The following NTRK3 variants were observed in gnomAD, a reference collection of about 807,000 sequenced individuals.
NTRK3 encodes the protein neurotrophic receptor tyrosine kinase 3.
A neutral mutation model predicts 91.7 loss-of-function variants in NTRK3; 24 were observed. The ratio of observed to expected loss-of-function variants is 0.26; its 90% confidence interval spans 0.19 to 0.37. NTRK3 has a LOEUF of 0.37. Among genes scored for constraint, NTRK3 ranks in the 10% least tolerant of loss-of-function variants. The pLI is 1.00. For synonymous variants in NTRK3, 483 were observed against 404.0 expected, an observed-to-expected ratio of 1.20 and a Z score of -2.34; for missense variants, 880 against 1,068.9, an observed-to-expected ratio of 0.82 and a Z score of 2.46.
intron 13 of NTRK3, among the ~76,000 whole-genome samples, chr15:88,117,005 C>T (rs920884221): frequency 1.3e-5 from 2 of 152,192 alleles, no homozygotes; most frequent in African/African-American, 4.8e-5. Context: ...AATATGCGGA[C>T]GTCTATTGGA....
intron 17 of NTRK3, among the ~76,000 whole-genome samples, chr15:87,893,355 G>C (rs922016706): frequency 2.0e-5 from 3 of 152,154 alleles, no homozygotes; most frequent in Non-Finnish European, 2.9e-5. Context: ...CCACTCCTCA[G>C]GGCCAGAAAT....
At chr15:88,157,401 G>A (rs1181058872) in intron 5 of NTRK3, among the ~76,000 whole-genome samples, 2 of 151,982 alleles carry the variant, frequency 1.3e-5, no homozygotes, top group Non-Finnish European at 2.9e-5. Context: ...AGGACATTTG[G>A]GTTTCTGCCC....
chr15:88,185,757 C>A (rs1183670718), intron 3 of NTRK3, among the ~76,000 whole-genome samples: 1 of 152,212 alleles, frequency 6.6e-6, no homozygotes, highest in African/African-American at 2.4e-5. Context: ...ACCACCACAC[C>A]CGTAGCTCTG....
At chr15:88,231,363 G>A (rs184002845) in intron 3 of NTRK3, among the ~76,000 whole-genome samples, 1 of 151,892 alleles carries the variant, frequency 6.6e-6, no homozygotes, top group African/African-American at 2.4e-5. Flanking sequence ...GTTGCCTCCT[G>A]TCTTCTTTCT....
intron 17 of NTRK3, among the ~76,000 whole-genome samples, chr15:87,897,241 C>T (rs535873075): frequency 6.6e-6 from 1 of 152,288 alleles, no homozygotes; most frequent in African/African-American, 2.4e-5. Context: ...GAGCAAAGTT[C>T]TGAGGGAAGC....
chr15:88,202,399 G>A (rs532332855), intron 3 of NTRK3, among the ~76,000 whole-genome samples: 38 of 152,314 alleles, frequency 2.5e-4, no homozygotes, highest in African/African-American at 8.7e-4. Context: ...GCTCTGTGCA[G>A]TGTGAAGTCA....
intron 3 of NTRK3, among the ~76,000 whole-genome samples, chr15:88,254,998 A>G (rs1173552418): frequency 6.6e-6 from 1 of 152,104 alleles, no homozygotes; most frequent in East Asian, 1.9e-4. Context: ...CCAAAGAAAA[A>G]TAGCAAGGAG....
At chr15:88,110,551 A>G (rs1020424607) in intron 13 of NTRK3, among the ~76,000 whole-genome samples, 17 of 152,304 alleles carry the variant, frequency 1.1e-4, no homozygotes, top group Non-Finnish European at 2.4e-4. Flanking sequence ...GAGGACATTT[A>G]TGCACCCTAT....
At chr15:88,027,409 G>T (rs1415227390) in intron 14 of NTRK3, among the ~76,000 whole-genome samples, 1 of 152,070 alleles carries the variant, frequency 6.6e-6, no homozygotes, top group Non-Finnish European at 1.5e-5. Flanking sequence ...TTGAGACAGA[G>T]TCTCGCTCTG....
At chr15:88,106,940 A>T (rs1375622485) in intron 13 of NTRK3, among the ~76,000 whole-genome samples, 3 of 132,200 alleles carry the variant, frequency 2.3e-5, no homozygotes, top group Non-Finnish European at 4.7e-5. Context: ...CTCAAAAAGT[A>T]AAAAAAAAAA....
chr15:88,162,997 T>TA (rs2044609633), intron 5 of NTRK3, among the ~76,000 whole-genome samples: 1 of 152,138 alleles, frequency 6.6e-6, no homozygotes, highest in Admixed American at 6.5e-5. Context: ...ACACTTGGTA[T>TA]AAGAAGGGCA....
At chr15:88,164,511 A>T (rs1396997057) in intron 5 of NTRK3, among the ~76,000 whole-genome samples, 2 of 152,148 alleles carry the variant, frequency 1.3e-5, no homozygotes, top group African/African-American at 2.4e-5. Flanking sequence ...TCTGCAGAGT[A>T]CATCTGACAG....
At position 87,901,385 on chromosome 15, in the gene NTRK3, G is replaced by A. The variant is rs117513747; in HGVS notation, c.2134-20957C>T. ...GTGGACTTCTTGTTTGTAGGCTAAC[G>A]AAACTGGGATGAAGTATCTTTCTCA... On this transcript the variant is annotated intron_variant, in intron 17 of 18. Transcript: ENST00000394480. Among the ~76,000 whole-genome samples the A allele has an allele frequency of 3.5e-3, 533 of 152,338 alleles. 3 individuals carry two copies. Among genetic ancestry groups the A allele is most frequent in the Non-Finnish European group, 6.1e-3 (418 of 68,020 alleles).
At chr15:87,909,066 T>A (rs1042600167) in intron 17 of NTRK3, among the ~76,000 whole-genome samples, 3 of 152,018 alleles carry the variant, frequency 2.0e-5, no homozygotes, top group African/African-American at 7.2e-5. Context: ...CCGCAGAAAA[T>A]CCCTGAATTC....
At chr15:88,215,183 T>C (rs2049640002) in intron 3 of NTRK3, among the ~76,000 whole-genome samples, 1 of 152,194 alleles carries the variant, frequency 6.6e-6, no homozygotes, top group Non-Finnish European at 1.5e-5. Flanking sequence ...ACTCCAAAAT[T>C]TGGCAATGGC....
intron 14 of NTRK3, among the ~76,000 whole-genome samples, chr15:88,023,254 T>C (rs2077737696): frequency 6.6e-6 from 1 of 152,162 alleles, no homozygotes; most frequent in South Asian, 2.1e-4. Flanking sequence ...GATATCTCAT[T>C]CTGGCAACAT....
intron 13 of NTRK3, among the ~76,000 whole-genome samples, chr15:88,059,127 C>T (rs2045982625): frequency 6.6e-6 from 1 of 152,074 alleles, no homozygotes; most frequent in Admixed American, 6.6e-5. Flanking sequence ...AAGAGAAAAT[C>T]TTCCAGCAGC....
At chr15:88,086,492 T>C (rs2048510210) in intron 13 of NTRK3, among the ~76,000 whole-genome samples, 1 of 145,224 alleles carries the variant, frequency 6.9e-6, no homozygotes, top group Non-Finnish European at 1.5e-5. Context: ...TAATTAGAAT[T>C]AATTTCACCT....
rs549164318 is a variant in NTRK3, at chr15:88,066,937, C to G, written c.1397-33892G>C. Reference sequence around the variant, plus strand: ...ACTCCTCTTTCCAAGTAGTTCCTTTCTCCCAGGCTCCACTGGCCCTTCCAC... The same window carrying G: ...ACTCCTCTTTCCAAGTAGTTCCTTTGTCCCAGGCTCCACTGGCCCTTCCAC... On this transcript the variant is annotated intron_variant, in intron 13 of 18. Transcript: ENST00000394480. Among the ~76,000 whole-genome samples the G allele has an allele frequency of 9.2e-5, 14 of 152,298 alleles. No homozygotes were observed. In the East Asian group the frequency reaches 2.5e-3, roughly 27 times the overall value.
Sources: gnomAD v4.1 joint callset for allele counts (sites outside exome capture counted in the v4.1 genomes callset) on GRCh38, gnomAD v4.1.1 for gene constraint, MANE v1.5 for transcripts, NCBI Gene and HGNC (gene_info 2026-07-23, HGNC 2026-07-21) for gene names.